Variants in TAFA2 observed in about 807,000 individuals in gnomAD.
TAFA2 encodes TAFA chemokine like family member 2.
Under a neutral mutation model 18.8 loss-of-function variants are expected in TAFA2, and 7 were observed. The observed-to-expected ratio is 0.37, with a 90% CI of 0.21 to 0.70. The LOEUF is 0.70. Among genes scored for constraint, TAFA2 ranks in the 30% least tolerant of loss-of-function variants. TAFA2 has a pLI of 0.53. For missense variants in TAFA2, 122 were observed against 158.1 expected (o/e 0.77, Z 1.23); for synonymous variants, 60 against 54.2 (o/e 1.11, Z -0.47).
rs116753931 is a variant in TAFA2, at chr12:62,049,883, G to A, written c.-2+141376C>T. On this transcript the variant is annotated intron_variant, in intron 1 of 4. Coordinates refer to ENST00000416284, the MANE Select transcript of TAFA2 (RefSeq NM_178539.5). ...AACTGAGCACATCAGCAGAATTGAC[G>A]TGATACCACAGGAAAGTGTTGCTAC... Among the ~76,000 whole-genome samples, 537 of 152,304 alleles carry A rather than the reference G, an allele frequency of 3.5e-3. 4 individuals carry two copies. Among genetic ancestry groups the A allele is most frequent in the African/African-American group, 0.012 (517 of 41,564 alleles).
chr12:62,007,740 C>CA lies in TAFA2; in HGVS notation c.-1-140315dup, dbSNP rs527256676. 4.1e-4 allele frequency among the ~76,000 whole-genome samples: 60 copies of CA among 144,878 alleles called. 1 individual carries two copies. The South Asian group carries it at 0.013, about 31-fold the overall frequency. On this transcript the variant is annotated intron_variant, in intron 1 of 4. Coordinates refer to ENST00000416284, the MANE Select transcript of TAFA2 (RefSeq NM_178539.5). Reference sequence around the variant, plus strand: ...AATTGATACATAACAATACGGGGTACAGTGTGATATTTACATACATGTATA... The same window carrying CA: ...AATTGATACATAACAATACGGGGTACAAGTGTGATATTTACATACATGTATA...
rs1213393935 is a variant in TAFA2 at position 62,123,783 on chromosome 12, C to CAT, written c.-2+67475_-2+67476insAT. Among the ~76,000 whole-genome samples the CAT allele has an allele frequency of 9.3e-5, 13 of 139,930 alleles. No individual in the cohort carries two copies. The East Asian group carries it at 2.6e-3, about 28-fold the overall frequency. 91.8% of individuals were successfully genotyped at this position (139,930 alleles called of 152,430 possible). ...TCAAATCTCCCCCACCACACACATA[C>CAT]ACACACACACACACACACACACACA... is the stretch of plus-strand genomic sequence containing the variant. On this transcript the variant is annotated intron_variant, in intron 1 of 4. Transcript: ENST00000416284.
At chr12:62,152,567 GAT>G (rs2062336063) in intron 1 of TAFA2, among the ~76,000 whole-genome samples, 1 of 152,160 alleles carries the variant, frequency 6.6e-6, no homozygotes, top group Non-Finnish European at 1.5e-5. Context: ...TCTTTTGCAT[GAT>G]AATTTATCTC....
chr12:61,800,136 A>G (rs1482942313), intron 2 of TAFA2, among the ~76,000 whole-genome samples: 1 of 152,224 alleles, frequency 6.6e-6, no homozygotes, highest in Non-Finnish European at 1.5e-5. Flanking sequence ...TAATAAAATT[A>G]GTGATCAAGA....
chr12:61,847,132 C>T (rs1592430898), intron 2 of TAFA2, among the ~76,000 whole-genome samples: 1 of 152,150 alleles, frequency 6.6e-6, no homozygotes, highest in Admixed American at 6.5e-5. Context: ...AGTAATTTTA[C>T]TTTTTTGTTC....
chr12:62,193,206 T>C (rs886388715), upstream of TAFA2, among the ~76,000 whole-genome samples: 4 of 152,112 alleles, frequency 2.6e-5, no homozygotes, highest in South Asian at 6.2e-4. Flanking sequence ...TAGAAGACTA[T>C]TCAAAAATGA....
rs1869348500 is a variant in TAFA2, at chr12:62,104,305, T to C, written c.-2+86954A>G. Among the ~76,000 whole-genome samples, 3 of 152,036 alleles carry C rather than the reference T, an allele frequency of 2.0e-5. No homozygotes were observed. The South Asian group carries it at 6.2e-4, about 31-fold the overall frequency. On this transcript the variant is annotated intron_variant, in intron 1 of 4. Coordinates refer to ENST00000416284, the MANE Select transcript of TAFA2 (RefSeq NM_178539.5). ...AAAAAAAAAAGCTAATGTAATGGTC[T>C]TTTTCTTTTTACATAATATTGATTA... is the stretch of plus-strand genomic sequence containing the variant.
chr12:61,960,808 G>T (rs113516973), intron 1 of TAFA2, among the ~76,000 whole-genome samples: 1,761 of 147,820 alleles, frequency 0.012, 39 homozygotes, highest in African/African-American at 0.041. Context: ...TCTCAAATTT[G>T]CTTTGCTTCA....
intron 1 of TAFA2, among the ~76,000 whole-genome samples, chr12:61,958,790 AACTG>A (rs1211409130): frequency 6.6e-6 from 1 of 151,958 alleles, no homozygotes; most frequent in African/African-American, 2.4e-5. Context: ...TTCAATTCTT[AACTG>A]ACTAAGTAAA....
chr12:62,129,422 G>A (rs1870593202), intron 1 of TAFA2, among the ~76,000 whole-genome samples: 1 of 151,890 alleles, frequency 6.6e-6, no homozygotes, highest in South Asian at 2.1e-4. Context: ...AGAATCAATT[G>A]AGCCTCTTCA....
chr12:61,851,776 A>C (rs1321662480), intron 2 of TAFA2, among the ~76,000 whole-genome samples: 11 of 47,566 alleles, frequency 2.3e-4, no homozygotes, highest in Non-Finnish European at 8.3e-5. Context: ...CTCCATCTCA[A>C]AAAAAAAAAA....
chr12:61,839,026 G>A (rs1873057607), intron 2 of TAFA2, among the ~76,000 whole-genome samples: 1 of 151,982 alleles, frequency 6.6e-6, no homozygotes, highest in Admixed American at 6.6e-5. Flanking sequence ...TATTAGACAT[G>A]AATAGAAAGT....
chr12:62,028,276 T>C (rs960593753), intron 1 of TAFA2, among the ~76,000 whole-genome samples: 1 of 152,142 alleles, frequency 6.6e-6, no homozygotes, highest in Non-Finnish European at 1.5e-5. Context: ...AATAACCTCG[T>C]CTATCTAGAC....
At chr12:61,752,200 G>A (rs1443926304) in intron 4 of TAFA2, among the ~76,000 whole-genome samples, 1 of 151,930 alleles carries the variant, frequency 6.6e-6, no homozygotes, top group Non-Finnish European at 1.5e-5. Context: ...AAGATTAAGT[G>A]AGCTAACTCA....
intron 1 of TAFA2, among the ~76,000 whole-genome samples, chr12:62,257,072 A>G (rs1020784694): frequency 5.9e-5 from 9 of 151,944 alleles, no homozygotes; most frequent in African/African-American, 1.7e-4. Context: ...GTTGAGAAAT[A>G]AAGACAGCCA....
At chr12:62,210,929 C>T (rs2062710638) in intron 1 of TAFA2, among the ~76,000 whole-genome samples, 1 of 151,610 alleles carries the variant, frequency 6.6e-6, no homozygotes, top group African/African-American at 2.4e-5. Flanking sequence ...CCCCCCGCCC[C>T]CCAAAAAAAC....
intron 2 of TAFA2, among the ~76,000 whole-genome samples, chr12:61,856,487 G>A (rs1218055108): frequency 1.3e-5 from 2 of 152,002 alleles, no homozygotes; most frequent in Non-Finnish European, 2.9e-5. Context: ...AAATCTCAGT[G>A]TTGGTAAGGG....
chr12:61,760,270 A>G (rs894240225), intron 2 of TAFA2, among the ~76,000 whole-genome samples: 2 of 150,276 alleles, frequency 1.3e-5, no homozygotes, highest in African/African-American at 4.9e-5. Flanking sequence ...CAGATAGCTA[A>G]ATATATAAAT....
chr12:61,930,159 A>T (rs952489169), intron 1 of TAFA2, among the ~76,000 whole-genome samples: 20 of 152,136 alleles, frequency 1.3e-4, no homozygotes, highest in Non-Finnish European at 2.1e-4. Flanking sequence ...TAATAATAAA[A>T]AAATAAATAA....
Sources: gnomAD v4.1 joint callset for allele counts (sites outside exome capture counted in the v4.1 genomes callset) on GRCh38, gnomAD v4.1.1 for gene constraint, MANE v1.5 for transcripts, NCBI Gene and HGNC (gene_info 2026-07-23, HGNC 2026-07-21) for gene names.